The following TMED3 variants were observed in gnomAD, a reference collection of about 807,000 sequenced individuals.
The protein encoded by TMED3 is transmembrane emp24 domain-containing protein 3.
A neutral mutation model predicts 15.0 loss-of-function variants in TMED3; 9 were observed. The ratio of observed to expected loss-of-function variants is 0.60; its 90% confidence interval spans 0.36 to 1.04. TMED3 has a LOEUF of 1.04. Among genes scored for constraint, TMED3 ranks in the 50% least tolerant of loss-of-function variants. The pLI, the probability that TMED3 is intolerant of heterozygous loss-of-function variation, is 0.01. For synonymous variants in TMED3, 117 were observed against 121.4 expected (o/e 0.96, Z 0.24); for missense variants, 267 against 278.9 (o/e 0.96, Z 0.30).
intron 2 of TMED3, among the ~76,000 whole-genome samples, chr15:79,353,575 TACAC>T (rs55929180): frequency 3.5e-4 from 47 of 135,590 alleles, no homozygotes; most frequent in East Asian, 1.3e-3. Flanking sequence ...GGGTTAAAAA[TACAC>T]ACACACACAC....
intron 2 of TMED3, among the ~76,000 whole-genome samples, chr15:79,371,304 T>C (rs577287812): frequency 1.3e-5 from 2 of 152,298 alleles, no homozygotes; most frequent in East Asian, 1.9e-4. Context: ...AGAAAATCCA[T>C]ATAAAATGTC....
At chr15:79,371,637 T>C (rs1379818967) in intron 2 of TMED3, among the ~76,000 whole-genome samples, 1 of 152,114 alleles carries the variant, frequency 6.6e-6, no homozygotes, top group Non-Finnish European at 1.5e-5. Flanking sequence ...ACCACAGGGG[T>C]ATCTAAACTG....
At position 79,413,041 on chromosome 15, in the gene TMED3, A is replaced by G. The variant is rs1595915330; in HGVS notation, c.*1537A>G. ...ACAAGCAAACCCTCAAGGTCATCAAATAGGATACAAGAGAAAAAAAAACCA... is the reference window on the plus strand; with the variant it reads ...ACAAGCAAACCCTCAAGGTCATCAAGTAGGATACAAGAGAAAAAAAAACCA... On this transcript the variant is annotated 3_prime_UTR_variant, in exon 3 of 3. Transcript: ENST00000424155. 4 of 152,272 alleles carry G rather than the reference A, an allele frequency of 2.6e-5. No individual in the cohort carries two copies. In the East Asian group the frequency reaches 7.7e-4, roughly 29 times the overall value. The allele number at this position is 152,272 out of a possible 1,614,324, so 9.4% of individuals were successfully genotyped here.
chr15:79,404,468 C>T (rs994938262), intron 2 of TMED3, among the ~76,000 whole-genome samples: 3 of 152,220 alleles, frequency 2.0e-5, no homozygotes, highest in Non-Finnish European at 2.9e-5. Context: ...GCCCAAGCAC[C>T]GAAATATCTA....
chr15:79,367,015 A>C (rs949023521), intron 2 of TMED3, among the ~76,000 whole-genome samples: 12 of 152,196 alleles, frequency 7.9e-5, no homozygotes, highest in African/African-American at 2.7e-4. Flanking sequence ...AGCACAGCAC[A>C]ATCTCAATTC....
At chr15:79,373,214 T>A (rs1893372678) in intron 2 of TMED3, among the ~76,000 whole-genome samples, 1 of 152,232 alleles carries the variant, frequency 6.6e-6, no homozygotes, top group Admixed American at 6.5e-5. Flanking sequence ...GGCTGTTATC[T>A]CTTTTATTCA....
chr15:79,375,114 G>T (rs1893402298), intron 2 of TMED3, among the ~76,000 whole-genome samples: 1 of 152,058 alleles, frequency 6.6e-6, no homozygotes, highest in Non-Finnish European at 1.5e-5. Context: ...GCCTCAAAAG[G>T]CTCATATAAA....
At chr15:79,348,327 T>C (rs896511323) in intron 2 of TMED3, among the ~76,000 whole-genome samples, 2 of 152,178 alleles carry the variant, frequency 1.3e-5, no homozygotes, top group Non-Finnish European at 2.9e-5. Context: ...AAGCCAGCAA[T>C]TCTAGGAATT....
intron 2 of TMED3, among the ~76,000 whole-genome samples, chr15:79,364,960 C>G (rs1893201933): frequency 1.3e-5 from 2 of 152,230 alleles, no homozygotes; most frequent in Admixed American, 6.5e-5. Context: ...GGCAGAGGGT[C>G]CATTGAACTG....
At chr15:79,334,873 G>T (rs1419425514) in intron 2 of TMED3, among the ~76,000 whole-genome samples, 1 of 152,100 alleles carries the variant, frequency 6.6e-6, no homozygotes, top group Admixed American at 6.5e-5. Flanking sequence ...CAAAAGAGAT[G>T]AAAAGGAGCT....
At chr15:79,312,561 C>G (rs1359823907) in intron 1 of TMED3, among the ~76,000 whole-genome samples, 1 of 152,132 alleles carries the variant, frequency 6.6e-6, no homozygotes, top group Non-Finnish European at 1.5e-5. Flanking sequence ...TTTGTCCGGA[C>G]AAAGAGGCCA....
chr15:79,353,212 A>T (rs1396912309), intron 2 of TMED3, among the ~76,000 whole-genome samples: 3 of 80,744 alleles, frequency 3.7e-5, no homozygotes, highest in East Asian at 3.1e-4. Context: ...AATATATATT[A>T]TATATATTAT....
intron 2 of TMED3, among the ~76,000 whole-genome samples, chr15:79,343,805 GA>G (rs2058859638): frequency 6.6e-6 from 1 of 152,184 alleles, no homozygotes; most frequent in South Asian, 2.1e-4. Context: ...ACTACCAGGT[GA>G]AAGGTAGTCT....
At chr15:79,335,373 A>G (rs949708141) in intron 2 of TMED3, among the ~76,000 whole-genome samples, 3 of 152,230 alleles carry the variant, frequency 2.0e-5, no homozygotes, top group African/African-American at 7.2e-5. Context: ...TCAGAGGGAG[A>G]AATCATGTGA....
intron 2 of TMED3, among the ~76,000 whole-genome samples, chr15:79,345,896 C>G (rs1233796724): frequency 6.6e-6 from 1 of 152,124 alleles, no homozygotes; most frequent in Non-Finnish European, 1.5e-5. Context: ...TTTCTGTAAT[C>G]ATCAGTGATG....
chr15:79,355,250 G>A (rs1314012069), intron 2 of TMED3, among the ~76,000 whole-genome samples: 1 of 152,186 alleles, frequency 6.6e-6, no homozygotes, highest in Non-Finnish European at 1.5e-5. Context: ...GTTATTCAGT[G>A]TGTATCCAAA....
At position 79,340,113 on chromosome 15, in the gene TMED3, A is replaced by G. The variant is rs137950970; in HGVS notation, c.417+26108A>G. ...TAGTAAATACTGTTTAAAGTACTGT[A>G]TTGAGCACGGTAATTAGCTTTTACT... On this transcript the variant is annotated intron_variant, in intron 2 of 2. Transcript: ENST00000424155. Among the ~76,000 whole-genome samples the G allele has an allele frequency of 2.0e-3, 304 of 152,330 alleles. 1 individual carries two copies. Among genetic ancestry groups the G allele is most frequent in the Non-Finnish European group, 3.4e-3 (232 of 68,034 alleles).
Position 79,321,809 on chromosome 15 carries a change from A to G in TMED3, c.418-169A>G, listed in dbSNP as rs112628527. ...AGTTACTTAACCTCTCTGAGCTTCA[A>G]TTAGGCTTGTTGTGAGGATTAAATA... On this transcript the variant is annotated intron_variant, in intron 2 of 2. Coordinates refer to ENST00000299705, the MANE Select transcript of TMED3 (RefSeq NM_007364.4). Among the ~76,000 whole-genome samples the G allele has an allele frequency of 5.7e-4, 87 of 152,348 alleles. No individual in the cohort carries two copies. In the South Asian group the frequency reaches 0.01, roughly 18 times the overall value.
downstream of TMED3, among the ~76,000 whole-genome samples, chr15:79,324,056 T>C (rs2058778341): frequency 6.6e-6 from 1 of 152,180 alleles, no homozygotes; most frequent in Non-Finnish European, 1.5e-5. Context: ...AGTGGTGCAG[T>C]CTCGGCTCAC....
Sources: allele counts gnomAD v4.1 joint callset (sites outside exome capture counted in the v4.1 genomes callset), GRCh38; gene constraint gnomAD v4.1.1; transcripts MANE v1.5; gene names NCBI Gene and HGNC (gene_info 2026-07-23, HGNC 2026-07-21).